Variants in MEGF11 observed in about 807,000 individuals in gnomAD.
The protein encoded by MEGF11 is multiple epidermal growth factor-like domains protein 11.
In MEGF11, 126 loss-of-function variants were observed where a neutral mutation model predicts 146.6. The ratio of observed to expected loss-of-function variants is 0.86; its 90% CI spans 0.74 to 1.00. The LOEUF (loss-of-function observed/expected upper bound fraction) is 1.00, where lower values mean the gene tolerates loss of function less well. MEGF11 is among the 50% of genes least tolerant of loss of function. The probability of loss-of-function intolerance (pLI) is 0.00; values close to 1 mark genes in which losing one functional copy is unlikely to be tolerated. For missense variants in MEGF11, 1,509 were observed against 1,521.2 expected (o/e 0.99, Z 0.13); for synonymous variants, 532 against 583.4 (o/e 0.91, Z 1.27).
intron 5 of MEGF11, among the ~76,000 whole-genome samples, chr15:66,041,309 G>A (rs1161749362): frequency 6.6e-6 from 1 of 152,208 alleles, no homozygotes; most frequent in Non-Finnish European, 1.5e-5. Flanking sequence ...CAAGCTCTCT[G>A]CCTTAGGCTC....
At chr15:66,180,301 G>C (rs2090511243) in intron 1 of MEGF11, among the ~76,000 whole-genome samples, 2 of 152,170 alleles carry the variant, frequency 1.3e-5, no homozygotes, top group South Asian at 4.1e-4. Flanking sequence ...TGCACCCCTA[G>C]GACCTGAGGT....
At chr15:65,955,930 T>A (rs571883456) in intron 10 of MEGF11, among the ~76,000 whole-genome samples, 2 of 144,226 alleles carry the variant, frequency 1.4e-5, no homozygotes, top group African/African-American at 5.1e-5. Flanking sequence ...CACATCTCAA[T>A]TCAGAACTAG....
At chr15:66,031,285 A>G (rs2083508332) in intron 5 of MEGF11, among the ~76,000 whole-genome samples, 1 of 152,190 alleles carries the variant, frequency 6.6e-6, no homozygotes, top group South Asian at 2.1e-4. Flanking sequence ...AGATTTGCTC[A>G]TTGGCACACA....
At chr15:66,056,693 A>AGGGGATAGAGTG (rs2084686651) in intron 5 of MEGF11, among the ~76,000 whole-genome samples, 1 of 152,236 alleles carries the variant, frequency 6.6e-6, no homozygotes, top group Non-Finnish European at 1.5e-5. Context: ...CCTACCCAGA[A>AGGGGATAGAGTG]GGGGATAGAG....
intron 15 of MEGF11, among the ~76,000 whole-genome samples, chr15:65,918,508 G>GGTAGAGAATATGTACAGCTGGACAGAGA (rs1352426183): frequency 2.0e-5 from 3 of 152,224 alleles, no homozygotes; most frequent in Non-Finnish European, 1.5e-5. Flanking sequence ...CAACCACGAG[G>GGTAGAGAATATGTACAGCTGGACAGAGA]GTAGAGAATA....
chr15:66,175,259 C>G (rs1821579731), intron 1 of MEGF11, among the ~76,000 whole-genome samples: 1 of 152,122 alleles, frequency 6.6e-6, no homozygotes, highest in Non-Finnish European at 1.5e-5. Context: ...AAGCAATCTA[C>G]AGATCCAATG....
At chr15:65,933,619 C>T (rs2079657094) in intron 10 of MEGF11, among the ~76,000 whole-genome samples, 1 of 152,208 alleles carries the variant, frequency 6.6e-6, no homozygotes, top group Non-Finnish European at 1.5e-5. Flanking sequence ...TGGCTTTCTG[C>T]TTCCCAGAGA....
In MEGF11 at chr15:65,905,895, CATT is replaced by C. The variant is rs2078611371; in HGVS notation, c.3055+187_3055+189del. 46 of 451,598 alleles carry C rather than the reference CATT, an allele frequency of 1.0e-4. No homozygotes were observed. In the South Asian group the frequency reaches 2.5e-3, roughly 25 times the overall value. 28.0% of individuals were successfully genotyped at this position (451,598 alleles called of 1,614,324 possible). On this transcript the variant is annotated intron_variant, in intron 24 of 25. Transcript: ENST00000395614. ...TGCAACTGAAATCGAAAGATGAATT[CATT>C]ATTATTATGATTGATTGCTCCTCCT...
chr15:66,228,960 C>T (rs1300149150), intron 1 of MEGF11, among the ~76,000 whole-genome samples: 2 of 152,132 alleles, frequency 1.3e-5, no homozygotes, highest in Non-Finnish European at 2.9e-5. Flanking sequence ...CTCCAAGTCC[C>T]TGCAGACCTG....
At chr15:66,030,488 C>T (rs1313323066) in intron 5 of MEGF11, among the ~76,000 whole-genome samples, 1 of 152,184 alleles carries the variant, frequency 6.6e-6, no homozygotes, top group African/African-American at 2.4e-5. Context: ...TGGCTCACTG[C>T]AATCTCCACC....
intron 7 of MEGF11, among the ~76,000 whole-genome samples, chr15:65,973,117 CAAAA>C (rs59330024): frequency 7.7e-5 from 10 of 130,480 alleles, no homozygotes; most frequent in Admixed American, 3.1e-4. Flanking sequence ...AACTCTGTCT[CAAAA>C]AAAAAAAAAA....
At chr15:65,903,447 CAG>C (rs766915124) in intron 24 of MEGF11, among the ~76,000 whole-genome samples, 76 of 152,294 alleles carry the variant, frequency 5.0e-4, no homozygotes, top group South Asian at 1.0e-3. Context: ...CAGTAAGTAA[CAG>C]GGGAAAGGGC....
chr15:65,920,297 C>G (rs976953338), intron 15 of MEGF11, among the ~76,000 whole-genome samples: 26 of 152,186 alleles, frequency 1.7e-4, no homozygotes, highest in Admixed American at 1.6e-3. Flanking sequence ...CCAGGAAGTT[C>G]CAGTGCCAAG....
intron 5 of MEGF11, among the ~76,000 whole-genome samples, chr15:66,064,480 A>G (rs1241858786): frequency 6.6e-6 from 1 of 152,196 alleles, no homozygotes; most frequent in Non-Finnish European, 1.5e-5. Context: ...TTAATGAATT[A>G]GGGCCATCTC....
intron 1 of MEGF11, among the ~76,000 whole-genome samples, chr15:66,166,455 C>A (rs1429559904): frequency 6.6e-6 from 1 of 152,182 alleles, no homozygotes; most frequent in South Asian, 2.1e-4. Flanking sequence ...ACTCAGCAGC[C>A]AGGGAGAGCT....
At chr15:66,141,876 T>C (rs577253035) in intron 1 of MEGF11, among the ~76,000 whole-genome samples, 56 of 152,236 alleles carry the variant, frequency 3.7e-4, no homozygotes, top group African/African-American at 1.3e-3. Flanking sequence ...CTTTGAGGAA[T>C]CTAGGGAGAG....
intron 10 of MEGF11, among the ~76,000 whole-genome samples, chr15:65,948,780 C>T (rs2080288565): frequency 6.6e-6 from 1 of 152,184 alleles, no homozygotes; most frequent in African/African-American, 2.4e-5. Flanking sequence ...GTAACTCCAA[C>T]AAGACCACAT....
chr15:66,062,226 C>T (rs1246454766), intron 5 of MEGF11, among the ~76,000 whole-genome samples: 1 of 152,220 alleles, frequency 6.6e-6, no homozygotes, highest in Non-Finnish European at 1.5e-5. Flanking sequence ...CATGTTTGTC[C>T]CCTCCCATCT....
At chr15:66,129,068 G>A (rs955223965) in intron 1 of MEGF11, among the ~76,000 whole-genome samples, 3 of 152,206 alleles carry the variant, frequency 2.0e-5, no homozygotes, top group Non-Finnish European at 2.9e-5. Flanking sequence ...GTAAGGGACC[G>A]TAAGGAATCA....
Sources: allele counts gnomAD v4.1 joint callset (sites outside exome capture counted in the v4.1 genomes callset), GRCh38; gene constraint gnomAD v4.1.1; transcripts MANE v1.5; gene names NCBI Gene and HGNC (gene_info 2026-07-23, HGNC 2026-07-21).